LRRC69: variants seen among roughly 807,000 people sequenced by gnomAD.
LRRC69 encodes leucine-rich repeat-containing protein 69.
A neutral mutation model predicts 37.8 loss-of-function variants in LRRC69; 42 were observed. The ratio of observed to expected loss-of-function variants is 1.11; its 90% CI spans 0.87 to 1.44. LRRC69 has a LOEUF of 1.44. LRRC69 is among the 40% of genes most tolerant of loss of function. The pLI, the probability that LRRC69 is intolerant of heterozygous loss-of-function variation, is 0.00. For synonymous variants in LRRC69, 141 were observed against 143.1 expected (o/e 0.99, Z 0.11); for missense variants, 357 against 401.9 (o/e 0.89, Z 0.96).
At chr8:91,178,262 C>T (rs2130594580) in intron 5 of LRRC69, among the ~76,000 whole-genome samples, 1 of 152,172 alleles carries the variant, frequency 6.6e-6, no homozygotes, top group Non-Finnish European at 1.5e-5. Flanking sequence ...AGAGTCCAGG[C>T]CTAGAGGCCT....
chr8:91,143,280 C>T (rs1395793029), intron 5 of LRRC69, among the ~76,000 whole-genome samples: 2 of 151,996 alleles, frequency 1.3e-5, no homozygotes, highest in Non-Finnish European at 2.9e-5. Flanking sequence ...CACCCTTTGC[C>T]TTGGGTGGTT....
chr8:91,172,101 A>G (rs1308177279), intron 5 of LRRC69, among the ~76,000 whole-genome samples: 2 of 151,994 alleles, frequency 1.3e-5, no homozygotes, highest in African/African-American at 4.8e-5. Flanking sequence ...GTATTTTCCT[A>G]CATCACTATT....
At position 91,133,090 on chromosome 8, in the gene LRRC69, T is replaced by C. The variant is rs1320746885; in HGVS notation, c.384-20T>C. 2.9e-6 allele frequency: 4 copies of C among 1,357,086 alleles called. No individual in the cohort carries two copies. The highest frequency in any genetic ancestry group is 9.9e-7 in the Non-Finnish European group (1 of 1,010,450). The allele number at this position is 1,357,086 out of a possible 1,614,324, so 84.1% of individuals were successfully genotyped here. A position where few individuals can be genotyped will look rare whatever the true frequency, so the allele number is the denominator to read the frequency against. ...TCTTGTGAGTTTCATTCATATACTTTGGTGTTTTTTTTTTTTTAGATTAAA... is the reference window on the plus strand; with the variant it reads ...TCTTGTGAGTTTCATTCATATACTTCGGTGTTTTTTTTTTTTTAGATTAAA... On this transcript the variant is annotated intron_variant, in intron 3 of 7. Transcript: ENST00000448384.
At chr8:91,157,472 G>A (rs925701116) in intron 5 of LRRC69, 1 of 1,600,394 alleles carries the variant, frequency 6.2e-7, no homozygotes, top group Admixed American at 1.7e-5. Context: ...AAGAAAGGAA[G>A]TTTACATGCA....
chr8:91,125,200 A>G (rs1025672973), intron 2 of LRRC69, among the ~76,000 whole-genome samples: 1 of 151,812 alleles, frequency 6.6e-6, no homozygotes, highest in African/African-American at 2.4e-5. Flanking sequence ...CATGGCTTTT[A>G]TAGCTTTATC....
rs1397757304 is a variant in LRRC69 at position 91,128,364 on chromosome 8, A to AT, written c.383+1205dup. 1.4e-4 allele frequency among the ~76,000 whole-genome samples: 22 copies of AT among 152,104 alleles called. 1 individual carries two copies. Among genetic ancestry groups the AT allele is most frequent in the Admixed American group, 1.4e-3 (22 of 15,250 alleles). ...GAATACAAATTACAGTATTCAAGGA[A>AT]TCGTAAATCTAAGGGAATATGTTAG... On this transcript the variant is annotated intron_variant, in intron 3 of 7. Coordinates refer to ENST00000448384, the Ensembl canonical transcript of LRRC69.
exon 4 of LRRC69, chr8:91,133,198 C>A: frequency 5.2e-6 from 8 of 1,544,502 alleles, no homozygotes; most frequent in Non-Finnish European, 7.0e-6. Flanking sequence ...TCTTGTTGAA[C>A]TTCAACTTAA....
chr8:91,135,329 T>G (rs543948157), intron 4 of LRRC69, among the ~76,000 whole-genome samples: 1 of 152,212 alleles, frequency 6.6e-6, no homozygotes, highest in Admixed American at 6.5e-5. Context: ...CTATTAGCAT[T>G]TTCATTTTAC....
At chr8:91,198,678 G>A (rs1299165417) in intron 6 of LRRC69, among the ~76,000 whole-genome samples, 1 of 151,986 alleles carries the variant, frequency 6.6e-6, no homozygotes, top group African/African-American at 2.4e-5. Context: ...TCTAAAAGGA[G>A]CAATTTGAGT....
At chr8:91,167,600 G>A (rs1809052007) in intron 5 of LRRC69, among the ~76,000 whole-genome samples, 1 of 152,020 alleles carries the variant, frequency 6.6e-6, no homozygotes, top group African/African-American at 2.4e-5. Context: ...GCTAGTAAAT[G>A]TTTAACACAA....
chr8:91,157,712 A>G (rs1329124748), intron 5 of LRRC69: 2 of 1,602,916 alleles, frequency 1.2e-6, no homozygotes, highest in Non-Finnish European at 1.7e-6. Flanking sequence ...GCAAAAATAT[A>G]CTGTGAACCA....
chr8:91,109,193 G>A (rs996921861), intron 1 of LRRC69, among the ~76,000 whole-genome samples: 1 of 152,000 alleles, frequency 6.6e-6, no homozygotes, highest in Non-Finnish European at 1.5e-5. Flanking sequence ...CTGCTTTCAT[G>A]CCAAGGCATA....
At chr8:91,184,061 C>T (rs1477443703) in intron 5 of LRRC69, among the ~76,000 whole-genome samples, 1 of 152,046 alleles carries the variant, frequency 6.6e-6, no homozygotes, top group Non-Finnish European at 1.5e-5. Flanking sequence ...TTGGGTGAAT[C>T]GCTTGAGCTC....
At chr8:91,210,754 T>G (rs905860183) in intron 7 of LRRC69, among the ~76,000 whole-genome samples, 6 of 152,082 alleles carry the variant, frequency 3.9e-5, no homozygotes, top group Non-Finnish European at 7.4e-5. Flanking sequence ...CATAATGGCA[T>G]AAGAATATAG....
intron 7 of LRRC69, among the ~76,000 whole-genome samples, chr8:91,203,950 T>C (rs1251057730): frequency 6.6e-6 from 1 of 151,116 alleles, no homozygotes; most frequent in African/African-American, 2.4e-5. Flanking sequence ...AAACCCCGTC[T>C]CTACTAAAAA....
chr8:91,159,801 G>C (rs1387527812), intron 5 of LRRC69, among the ~76,000 whole-genome samples: 1 of 151,024 alleles, frequency 6.6e-6, no homozygotes, highest in African/African-American at 2.4e-5. Flanking sequence ...GAGAAATCTG[G>C]AAAAATCAAG....
At chr8:91,129,754 C>CT in intron 3 of LRRC69, among the ~76,000 whole-genome samples, 1 of 151,898 alleles carries the variant, frequency 6.6e-6, no homozygotes. Flanking sequence ...CAGCATCTTT[C>CT]TCTCCATTGT....
At chr8:91,211,371 A>G (rs1311796423) in intron 7 of LRRC69, among the ~76,000 whole-genome samples, 1 of 151,724 alleles carries the variant, frequency 6.6e-6, no homozygotes, top group Non-Finnish European at 1.5e-5. Context: ...GATGCTTAAA[A>G]TATTTAAAGA....
At chr8:91,200,792 G>A in exon 7 of LRRC69, 1 of 1,524,972 alleles carries the variant, frequency 6.6e-7, no homozygotes, top group Non-Finnish European at 8.8e-7. Flanking sequence ...CTCCACCAAA[G>A]GTAAATGATG....
Sources: gnomAD v4.1 joint callset for allele counts (sites outside exome capture counted in the v4.1 genomes callset) on GRCh38, gnomAD v4.1.1 for gene constraint, MANE v1.5 for transcripts, NCBI Gene and HGNC (gene_info 2026-07-23, HGNC 2026-07-21) for gene names.